Variants in THBS4 observed in about 807,000 individuals in gnomAD.
THBS4 encodes thrombospondin-4.
A neutral mutation model predicts 115.7 loss-of-function variants in THBS4; 90 were observed. The ratio of observed to expected loss-of-function variants is 0.78; its 90% CI spans 0.66 to 0.93. THBS4 has a LOEUF of 0.93. THBS4 is among the 40% of genes least tolerant of loss of function. The pLI is 0.00. For synonymous variants in THBS4, 460 were observed against 479.3 expected (o/e 0.96, Z 0.53); for missense variants, 1,087 against 1,232.7 (o/e 0.88, Z 1.77).
intron 10 of THBS4, 141 bp downstream of exon 10, chr5:80,068,266 C>T: frequency 2.8e-6 from 3 of 1,054,874 alleles, no homozygotes; most frequent in Non-Finnish European, 4.0e-6. Flanking sequence ...GTAATAGGAA[C>T]AGGGTCCACC....
intron 20 of THBS4, chr5:80,082,183 T>G: frequency 1.3e-5 from 4 of 307,200 alleles, no homozygotes; most frequent in East Asian, 6.0e-5. Context: ...CCCACCCCCC[T>G]CCACACACAC....
chr5:80,082,610 T>G, intron 21 of THBS4, 65 bp downstream of exon 21: 1 of 1,587,126 alleles, frequency 6.3e-7, no homozygotes, highest in Non-Finnish European at 8.6e-7. Context: ...GCCACCTTAT[T>G]TTTATACCGC....
In THBS4 at chr5:80,063,176, C is replaced by G. The variant is rs190424668; in HGVS notation, c.1125+1344C>G. Among the ~76,000 whole-genome samples the G allele has an allele frequency of 3.9e-5, 6 of 152,306 alleles. No homozygotes were observed. The South Asian group carries it at 1.2e-3, about 32-fold the overall frequency. On this transcript the variant is annotated intron_variant, in intron 8 of 21. Coordinates refer to ENST00000350881, the MANE Select transcript of THBS4 (RefSeq NM_003248.6). ...ACAGTGTAAAAGTGTTCCTATTTCT[C>G]CACATTCTCTTCAGCACCTATTGTT...
intron 2 of THBS4, among the ~76,000 whole-genome samples, chr5:80,026,967 T>G (rs551566278): frequency 9.9e-4 from 151 of 152,318 alleles, no homozygotes; most frequent in African/African-American, 3.5e-3. Context: ...TATTGCACTA[T>G]AAACCTCACT....
intron 2 of THBS4, among the ~76,000 whole-genome samples, chr5:80,044,425 T>A (rs1006773826): frequency 4.6e-5 from 7 of 151,402 alleles, no homozygotes; most frequent in African/African-American, 1.7e-4. Flanking sequence ...AAAAAAAAAA[T>A]TATTTATTTA....
intron 3 of THBS4, among the ~76,000 whole-genome samples, chr5:80,056,910 A>G (rs918386180): frequency 6.6e-6 from 1 of 152,220 alleles, no homozygotes; most frequent in African/African-American, 2.4e-5. Context: ...GGTGTAAGCA[A>G]TAATTTCCAT....
chr5:80,030,584 G>A (rs552545908), upstream of THBS4, among the ~76,000 whole-genome samples: 1 of 152,136 alleles, frequency 6.6e-6, no homozygotes, highest in Non-Finnish European at 1.5e-5. Context: ...GGCCAGGCTG[G>A]TCTCGAACTC....
chr5:80,046,438 T>A (rs1370463855), intron 2 of THBS4, among the ~76,000 whole-genome samples: 1 of 152,224 alleles, frequency 6.6e-6, no homozygotes, highest in African/African-American at 2.4e-5. Context: ...TTTCCATTTT[T>A]ATAAAGAAGG....
chr5:80,016,848 A>T (rs1411388838), intron 2 of THBS4, among the ~76,000 whole-genome samples: 1 of 152,196 alleles, frequency 6.6e-6, no homozygotes, highest in Non-Finnish European at 1.5e-5. Context: ...AGATTAACCC[A>T]TACCACACTC....
At chr5:80,060,057 G>A (rs1183740442) in intron 7 of THBS4, 152 bp downstream of exon 7, 2 of 704,254 alleles carry the variant, frequency 2.8e-6, no homozygotes, top group Non-Finnish European at 2.4e-6. Context: ...TGAGACAAGG[G>A]ATGGCGGAAG....
chr5:80,079,883 C>A, intron 19 of THBS4, 22 bp from the exon 20 acceptor site: 1 of 1,612,508 alleles, frequency 6.2e-7, no homozygotes, highest in South Asian at 1.1e-5. Flanking sequence ...TGTCCTAAAA[C>A]CTTGCTTGTG....
At chr5:80,012,375 G>A (rs1488993452) in intron 2 of THBS4, among the ~76,000 whole-genome samples, 1 of 152,200 alleles carries the variant, frequency 6.6e-6, no homozygotes, top group African/African-American at 2.4e-5. Flanking sequence ...ATGAGGTAGT[G>A]TGGGCATCTA....
intron 2 of THBS4, among the ~76,000 whole-genome samples, chr5:80,028,138 C>G (rs538722669): frequency 6.6e-6 from 1 of 150,802 alleles, no homozygotes; most frequent in East Asian, 1.9e-4. Flanking sequence ...TCTTTTGAAC[C>G]CAGGAGTTTC....
intron 2 of THBS4, among the ~76,000 whole-genome samples, chr5:80,051,336 A>G (rs200222291): frequency 3.1e-5 from 1 of 31,988 alleles, no homozygotes; most frequent in East Asian, 7.4e-4. Flanking sequence ...CTGATAATAA[A>G]ATAAGTGTAG....
intron 9 of THBS4, among the ~76,000 whole-genome samples, chr5:80,065,888 C>T (rs1833802473): frequency 6.6e-6 from 1 of 151,984 alleles, no homozygotes; most frequent in East Asian, 1.9e-4. Context: ...GTCAGGAGAT[C>T]GAGACCATCC....
At chr5:80,068,669 C>T (rs909893493) in intron 10 of THBS4, 12 of 154,834 alleles carry the variant, frequency 7.8e-5, no homozygotes, top group African/African-American at 1.9e-4. Flanking sequence ...CAGGGCCAGA[C>T]GGCGCCATGC....
At position 80,041,264 on chromosome 5, in the gene THBS4, T is replaced by C. The variant is rs530446265; in HGVS notation, c.292+984T>C. ...GCAAGCTCTCTTGTGTCTCTTCTTATAAAGTCACTATTCCCATCATGAGGG... is the reference window on the plus strand; with the variant it reads ...GCAAGCTCTCTTGTGTCTCTTCTTACAAAGTCACTATTCCCATCATGAGGG... On this transcript the variant is annotated intron_variant, in intron 2 of 21. Coordinates refer to ENST00000350881, the MANE Select transcript of THBS4 (RefSeq NM_003248.6). Among the ~76,000 whole-genome samples the C allele has an allele frequency of 1.1e-4, 16 of 152,332 alleles. No individual in the cohort carries two copies. The East Asian group carries it at 3.1e-3, about 29-fold the overall frequency.
At chr5:79,993,703 A>G (rs1179076910) in intron 1 of THBS4, among the ~76,000 whole-genome samples, 1 of 152,218 alleles carries the variant, frequency 6.6e-6, no homozygotes, top group Non-Finnish European at 1.5e-5. Context: ...ATCCATACCC[A>G]TCCTTCATGT....
upstream of THBS4, among the ~76,000 whole-genome samples, chr5:80,032,472 C>T (rs143446767): frequency 1.3e-5 from 2 of 152,100 alleles, no homozygotes; most frequent in East Asian, 1.9e-4. Context: ...TATTGACGCA[C>T]GATCACAAGA....
Sources: allele counts gnomAD v4.1 joint callset (sites outside exome capture counted in the v4.1 genomes callset), GRCh38; gene constraint gnomAD v4.1.1; transcripts MANE v1.5; gene names NCBI Gene and HGNC (gene_info 2026-07-23, HGNC 2026-07-21).